The following EHBP1 variants were observed in gnomAD, a reference collection of about 807,000 sequenced individuals.
The protein encoded by EHBP1 is EH domain-binding protein 1.
Under a neutral mutation model 144.0 loss-of-function variants are expected in EHBP1, and 55 were observed. That is an observed-to-expected ratio of 0.38 (90% CI 0.31 to 0.48). EHBP1 has a LOEUF of 0.48. EHBP1 is among the 20% of genes least tolerant of loss of function. The pLI, the probability that EHBP1 is intolerant of heterozygous loss-of-function variation, is 0.98. For synonymous variants in EHBP1, 469 were observed against 472.7 expected, an observed-to-expected ratio of 0.99 and a Z score of 0.10; for missense variants, 1,200 against 1,364.2, an observed-to-expected ratio of 0.88 and a Z score of 1.90.
chr2:62,813,499 G>A (rs1173229369), intron 5 of EHBP1, among the ~76,000 whole-genome samples: 2 of 152,190 alleles, frequency 1.3e-5, no homozygotes, highest in Admixed American at 1.3e-4. Flanking sequence ...GATACTTACT[G>A]GACTGTGGGG....
intron 1 of EHBP1, among the ~76,000 whole-genome samples, chr2:62,683,398 G>A (rs1359076164): frequency 6.6e-6 from 1 of 152,098 alleles, no homozygotes; most frequent in East Asian, 1.9e-4. Flanking sequence ...CGGTGTCTCC[G>A]CCTGTAATCC....
At chr2:63,014,590 C>G (rs924420494) in intron 19 of EHBP1, among the ~76,000 whole-genome samples, 1 of 152,072 alleles carries the variant, frequency 6.6e-6, no homozygotes, top group Non-Finnish European at 1.5e-5. Context: ...GTACACTTAC[C>G]AGGAGAATAA....
chr2:62,842,489 A>T (rs543949992), intron 7 of EHBP1, among the ~76,000 whole-genome samples: 2 of 152,168 alleles, frequency 1.3e-5, no homozygotes, highest in African/African-American at 4.8e-5. Context: ...CACCTTAGGG[A>T]TTAAGTTCCA....
intron 5 of EHBP1, among the ~76,000 whole-genome samples, chr2:62,774,894 G>T (rs538891114): frequency 2.0e-5 from 3 of 152,126 alleles, no homozygotes; most frequent in South Asian, 2.1e-4. Flanking sequence ...AAATCTCATC[G>T]CTGTGTAGTT....
At chr2:62,759,417 T>C (rs2040575215) in intron 3 of EHBP1, among the ~76,000 whole-genome samples, 1 of 152,108 alleles carries the variant, frequency 6.6e-6, no homozygotes. Context: ...TTTTCTTTTG[T>C]TTTTTTGAGA....
At chr2:62,788,826 CTG>C (rs2042985915) in intron 5 of EHBP1, among the ~76,000 whole-genome samples, 1 of 152,308 alleles carries the variant, frequency 6.6e-6, no homozygotes, top group Admixed American at 6.5e-5. Context: ...TGAAGGCATG[CTG>C]TGACCCTGTT....
intron 2 of EHBP1, among the ~76,000 whole-genome samples, chr2:62,720,047 G>A (rs573691736): frequency 2.0e-5 from 3 of 152,300 alleles, no homozygotes; most frequent in South Asian, 4.1e-4. Flanking sequence ...GGAAACTAGG[G>A]AGGCAGTGTC....
At chr2:62,995,356 A>G (rs1559041613) in intron 18 of EHBP1, among the ~76,000 whole-genome samples, 1 of 152,038 alleles carries the variant, frequency 6.6e-6, no homozygotes, top group Non-Finnish European at 1.5e-5. Context: ...CAATTTAATA[A>G]TAAGTTGGTA....
At chr2:62,913,910 A>G (rs1221711737) in intron 10 of EHBP1, among the ~76,000 whole-genome samples, 2 of 152,186 alleles carry the variant, frequency 1.3e-5, no homozygotes, top group African/African-American at 4.8e-5. Flanking sequence ...TTCAATGGCA[A>G]ATCAATCAAA....
chr2:62,815,733 A>G (rs61378194), intron 5 of EHBP1, among the ~76,000 whole-genome samples: 5,505 of 152,296 alleles, frequency 0.036, 350 homozygotes, highest in African/African-American at 0.13. Context: ...TGAGCTTTCA[A>G]TTGAAAATTA....
intron 6 of EHBP1, among the ~76,000 whole-genome samples, chr2:62,830,211 T>TACAC (rs111857004): frequency 2.7e-4 from 40 of 146,094 alleles, no homozygotes; most frequent in African/African-American, 7.6e-4. Context: ...TATACACATA[T>TACAC]ACACACACAC....
At chr2:62,847,657 G>C (rs982459358) in intron 7 of EHBP1, among the ~76,000 whole-genome samples, 1 of 152,280 alleles carries the variant, frequency 6.6e-6, no homozygotes, top group East Asian at 1.9e-4. Context: ...AACATAGTGA[G>C]ATCCTGTCTC....
At chr2:62,872,745 AGT>A (rs1307856893) in intron 9 of EHBP1, among the ~76,000 whole-genome samples, 2 of 152,140 alleles carry the variant, frequency 1.3e-5, no homozygotes, top group Non-Finnish European at 2.9e-5. Context: ...ATTAACATTT[AGT>A]CCCAATTCCC....
chr2:62,879,471 A>G (rs996131122), intron 10 of EHBP1, among the ~76,000 whole-genome samples: 2 of 152,046 alleles, frequency 1.3e-5, no homozygotes, highest in Non-Finnish European at 2.9e-5. Context: ...AAAATCCATA[A>G]CATTTCTATA....
At chr2:62,737,293 T>C (rs964403622) in intron 2 of EHBP1, among the ~76,000 whole-genome samples, 1 of 152,200 alleles carries the variant, frequency 6.6e-6, no homozygotes, top group African/African-American at 2.4e-5. Flanking sequence ...GATTTTTCTC[T>C]GTTGTTCACT....
chr2:62,840,374 A>G (rs1187020551), intron 7 of EHBP1, among the ~76,000 whole-genome samples: 1 of 128,630 alleles, frequency 7.8e-6, no homozygotes, highest in African/African-American at 2.9e-5. Context: ...AAGACCTAAA[A>G]CCATAAAAAC....
chr2:62,859,387 A>C (rs866193888), intron 8 of EHBP1, 96 bp downstream of exon 8: 3 of 1,178,764 alleles, frequency 2.5e-6, no homozygotes, highest in Middle Eastern at 2.0e-4. Flanking sequence ...CTAACACACA[A>C]AAAATTATTG....
chr2:62,887,920 G>A lies in EHBP1; in HGVS notation c.1185+13388G>A, dbSNP rs550934336. Among the ~76,000 whole-genome samples the A allele has an allele frequency of 3.2e-4, 49 of 152,284 alleles. 1 individual carries two copies. The highest frequency in any genetic ancestry group is 1.1e-3 in the African/African-American group (47 of 41,558). On this transcript the variant is annotated intron_variant, in intron 10 of 22. Coordinates refer to ENST00000431489, the MANE Select transcript of EHBP1 (RefSeq NM_001142616.3). The stretch of plus-strand genomic sequence containing the variant: ...CATTGCTCTACATTCATATTATGAT[G>A]TCTGGAAAGACATGTTAATTTTCAG...
chr2:62,802,719 CTTTTTTTTTT>C (rs573491673), intron 5 of EHBP1, among the ~76,000 whole-genome samples: 3 of 115,604 alleles, frequency 2.6e-5, no homozygotes, highest in African/African-American at 9.8e-5. Flanking sequence ...TGGGATCATA[CTTTTTTTTTT>C]TTTTTTTTTT....
Sources: gnomAD v4.1 joint callset for allele counts (sites outside exome capture counted in the v4.1 genomes callset) on GRCh38, gnomAD v4.1.1 for gene constraint, MANE v1.5 for transcripts, NCBI Gene and HGNC (gene_info 2026-07-23, HGNC 2026-07-21) for gene names.